Variants in SNRNP35 observed in about 807,000 individuals in gnomAD.
The protein encoded by SNRNP35 is U11/U12 small nuclear ribonucleoprotein 35 kDa protein.
Under a neutral mutation model 24.3 loss-of-function variants are expected in SNRNP35, and 16 were observed. That is an observed-to-expected ratio of 0.66 (90% CI 0.45 to 1.00). The LOEUF is 1.00. SNRNP35 is among the 50% of genes least tolerant of loss of function. The probability of loss-of-function intolerance (pLI) is 0.00; values close to 1 mark genes in which losing one functional copy is unlikely to be tolerated. For synonymous variants in SNRNP35, 106 were observed against 124.8 expected, an observed-to-expected ratio of 0.85 and a Z score of 1.00; for missense variants, 292 against 327.2, an observed-to-expected ratio of 0.89 and a Z score of 0.83.
chr12:123,461,632 C>G (rs1880637391), intron 1 of SNRNP35, among the ~76,000 whole-genome samples: 1 of 152,036 alleles, frequency 6.6e-6, no homozygotes, highest in South Asian at 2.1e-4. Context: ...TATTGCCCTC[C>G]TTTTACCATG....
exon 2 of SNRNP35, chr12:123,472,839 C>T (rs1881291387): frequency 2.8e-6 from 2 of 723,090 alleles, no homozygotes; most frequent in South Asian, 3.6e-5. Context: ...CAAAGTTATT[C>T]CAAGAAAGCA....
exon 2 of SNRNP35, chr12:123,472,947 G>A (rs1173267533): frequency 7.6e-6 from 3 of 393,358 alleles, no homozygotes; most frequent in African/African-American, 2.0e-5. Flanking sequence ...TGTCTTCCAC[G>A]TTAGCCGCTA....
chr12:123,462,481 C>G (rs1457948467), intron 1 of SNRNP35, among the ~76,000 whole-genome samples: 2 of 148,986 alleles, frequency 1.3e-5, no homozygotes, highest in African/African-American at 4.9e-5. Context: ...TGGTGAGAGG[C>G]TAAGTGAGGG....
chr12:123,470,811 A>G (rs35970945), downstream of SNRNP35: 30,216 of 152,130 alleles, frequency 0.2, 3,180 homozygotes, highest in Middle Eastern at 0.27. Context: ...AGTGTTTAGG[A>G]AAGATAACCA....
At chr12:123,467,674 G>A (rs1881029830), downstream of SNRNP35, among the ~76,000 whole-genome samples, 1 of 152,198 alleles carries the variant, frequency 6.6e-6, no homozygotes, top group Admixed American at 6.5e-5. Flanking sequence ...ACCATTGCTA[G>A]GTTTTCGCAT....
At chr12:123,472,595 GT>G in exon 2 of SNRNP35, 1 of 1,568,022 alleles carries the variant, frequency 6.4e-7, no homozygotes, top group Non-Finnish European at 8.6e-7. Context: ...CGCGGTGGGT[GT>G]TTGCCCACTG....
At chr12:123,460,956 CTTTTTTTTTTTTTTT>C (rs35246652) in intron 1 of SNRNP35, among the ~76,000 whole-genome samples, 1 of 122,776 alleles carries the variant, frequency 8.1e-6, no homozygotes, top group South Asian at 2.4e-4. Context: ...TGCGCCTGGC[CTTTTTTTTTTTTTTT>C]TTTTTTTTTT....
intron 1 of SNRNP35, among the ~76,000 whole-genome samples, chr12:123,462,042 G>GAA (rs1444968235): frequency 6.6e-6 from 1 of 152,200 alleles, no homozygotes; most frequent in East Asian, 1.9e-4. Flanking sequence ...TTTGATCAGA[G>GAA]TTGGTTCAGT....
chr12:123,471,090 A>G (rs182013112), downstream of SNRNP35: 175 of 120,932 alleles, frequency 1.4e-3, no homozygotes, highest in African/African-American at 5.5e-3. Flanking sequence ...TTTTTTTTTT[A>G]GATGAAGTCT....
intron 1 of SNRNP35, among the ~76,000 whole-genome samples, chr12:123,458,504 G>C (rs767142965): frequency 7.2e-5 from 11 of 152,060 alleles, no homozygotes; most frequent in Admixed American, 2.6e-4. Context: ...CAGAAACTTA[G>C]GTGTTTGCCT....
In SNRNP35 at chr12:123,465,904, A is replaced by G. The variant is rs1328499654; in HGVS notation, c.364A>G (p.Ile122Val). 3.1e-6 allele frequency: 5 copies of G among 1,613,720 alleles called. No homozygotes were observed. The Admixed American group carries it at 5.0e-5, about 16-fold the overall frequency. ...ADGLVIDQHE[I>V]FVDYELERTL... is the part of the protein sequence containing the mutation. The stretch of plus-strand genomic sequence containing the variant: ...TGGCCTGGTTATTGACCAGCATGAG[A>G]TATTTGTGGACTACGAGCTGGAAAG... Residue 122 changes from isoleucine (I) to valine (V), a missense_variant, in exon 2 of 2, where the codon ATA (isoleucine) becomes GTA (valine). Transcript: ENST00000526639. The surrounding 1 kb of genome is among the most constrained non-coding windows in gnomAD (Gnocchi z 4.2).
Position 123,465,829 on chromosome 12 carries a change from A to G in SNRNP35, c.289A>G (p.Ile97Val), listed in dbSNP as rs1182852999. Reference protein sequence around the residue: ...VTGFSKGYAFIEYKEERAVIK... With the variant: ...VTGFSKGYAFVEYKEERAVIK... ...AGGTTTTTCAAAGGGCTACGCCTTC[A>G]TCGAATACAAGGAGGAGCGTGCCGT... The change falls in exon 2 of 2, where the codon ATC becomes GTC. Residue 97 changes from isoleucine (I) to valine (V), a missense_variant. Transcript: ENST00000526639. The surrounding 1 kb of genome is among the most constrained non-coding windows in gnomAD (Gnocchi z 4.2). The G allele has an allele frequency of 6.2e-7, 1 of 1,613,938 alleles. No individual in the cohort carries two copies. The highest frequency in any genetic ancestry group is 2.2e-5 in the East Asian group (1 of 44,888).
At chr12:123,472,301 C>T (rs924606024) in exon 2 of SNRNP35, 19 of 490,134 alleles carry the variant, frequency 3.9e-5, no homozygotes, top group Non-Finnish European at 5.8e-5. Context: ...ATATATCCTA[C>T]GGGATCAGAG....
At chr12:123,463,330 G>A (rs1357171722) in intron 1 of SNRNP35, among the ~76,000 whole-genome samples, 1 of 151,904 alleles carries the variant, frequency 6.6e-6, no homozygotes, top group Non-Finnish European at 1.5e-5. Flanking sequence ...CTAAAGTACT[G>A]GGATTACAGG....
In SNRNP35 at chr12:123,465,562, G is replaced by T. The variant is rs772087931; in HGVS notation, c.22G>T (p.Ala8Ser). The T allele has an allele frequency of 2.6e-6, 4 of 1,555,592 alleles. No homozygotes were observed. The highest frequency in any genetic ancestry group is 3.5e-6 in the Non-Finnish European group (4 of 1,151,806). The change falls in exon 2 of 2, where the codon GCC (alanine) becomes TCC (serine). Residue 8 changes from alanine to serine, a missense_variant. Transcript: ENST00000526639. This position sits in a 1 kb window ranked among gnomAD's most constrained non-coding sequence, Gnocchi z 4.2. Reference protein sequence around the residue: MNDWMPIAKEYDPLKAGS... With the variant: MNDWMPISKEYDPLKAGS... ...GAACATGAACGATTGGATGCCCATC[G>T]CCAAGGAGTATGATCCACTCAAAGC...
chr12:123,460,621 A>AAAAG (rs1880559143), intron 1 of SNRNP35, among the ~76,000 whole-genome samples: 1 of 149,456 alleles, frequency 6.7e-6, no homozygotes, highest in African/African-American at 2.5e-5. Flanking sequence ...AAAAAAAAAA[A>AAAAG]AAAGCTGGGT....
chr12:123,465,902 A>G lies in SNRNP35; in HGVS notation c.362A>G (p.Glu121Gly). Residue 121 changes from glutamate to glycine, a missense_variant, in exon 2 of 2, where the codon GAG (glutamate) becomes GGG (glycine). Physicochemically the swap from Glu to Gly is moderately conservative, Grantham distance 98. Transcript: ENST00000526639. This position sits in a 1 kb window ranked among gnomAD's most constrained non-coding sequence, Gnocchi z 4.2. ...GATGGCCTGGTTATTGACCAGCATG[A>G]GATATTTGTGGACTACGAGCTGGAA... ...DADGLVIDQH[E>G]IFVDYELERT... The G allele has an allele frequency of 6.2e-7, 1 of 1,613,786 alleles. No homozygotes were observed. The highest frequency in any genetic ancestry group is 2.2e-5 in the East Asian group (1 of 44,878).
At chr12:123,470,473 C>CAAA (rs57574691), downstream of SNRNP35, 2 of 86,172 alleles carry the variant, frequency 2.3e-5, no homozygotes, top group African/African-American at 4.1e-5. Flanking sequence ...ACCCTGTGTC[C>CAAA]AAAAAAAAAA....
intron 1 of SNRNP35, among the ~76,000 whole-genome samples, chr12:123,460,673 A>C (rs1339966736): frequency 1.3e-5 from 2 of 148,184 alleles, no homozygotes; most frequent in African/African-American, 4.9e-5. Flanking sequence ...TCAGGAGGCT[A>C]GGGTGGGAGA....
Sources: allele counts gnomAD v4.1 joint callset (sites outside exome capture counted in the v4.1 genomes callset), GRCh38; gene constraint gnomAD v4.1.1; non-coding constraint Gnocchi (gnomAD v3.1); transcripts MANE v1.5; gene names NCBI Gene and HGNC (gene_info 2026-07-23, HGNC 2026-07-21).